The following ANKFY1 variants were observed in gnomAD, a reference collection of about 807,000 sequenced individuals.
The protein encoded by ANKFY1 is ankyrin repeat and FYVE domain containing 1, also known as ankyrin repeat and FYVE domain-containing protein 1.
ANKFY1 carries 47 observed loss-of-function variants against 128.3 expected under a neutral mutation model. That is an observed-to-expected ratio of 0.37 (90% CI 0.29 to 0.47). The LOEUF (loss-of-function observed/expected upper bound fraction) is 0.47. Among genes scored for constraint, ANKFY1 ranks in the 20% least tolerant of loss-of-function variants. The probability of loss-of-function intolerance (pLI) is 1.00; values close to 1 mark genes in which losing one functional copy is unlikely to be tolerated. For synonymous variants in ANKFY1, 553 were observed against 601.6 expected, an observed-to-expected ratio of 0.92 and a Z score of 1.18; for missense variants, 1,222 against 1,510.6, an observed-to-expected ratio of 0.81 and a Z score of 3.17.
intron 7 of ANKFY1, among the ~76,000 whole-genome samples, chr17:4,202,231 A>G (rs1435020252): frequency 6.6e-6 from 1 of 151,388 alleles, no homozygotes; most frequent in African/African-American, 2.4e-5. Context: ...GGCAAACCCA[A>G]TCGCTACAAA....
chr17:4,183,527 AG>A lies in ANKFY1; in HGVS notation c.1822del (p.Leu608CysfsTer41). 6.2e-7 allele frequency: 1 copy of A among 1,612,668 alleles called. No homozygotes were observed. Among genetic ancestry groups the A allele is most frequent in the Non-Finnish European group, 8.5e-7 (1 of 1,180,024 alleles). ...ATTGATGGCGGCTCCAGAGCCCAGC[AG>A]CTGGGCTGCGATCGTGTGCATGCCT... ...WTGMHTIAAQ[L>X]LGSGAAINDT... On this transcript the variant is annotated frameshift_variant, in exon 14 of 25. Coordinates refer to ENST00000341657, the MANE Select transcript of ANKFY1 (RefSeq NM_001330063.2). LOFTEE classifies it high-confidence loss of function.
chr17:4,221,497 C>A (rs2060311377), intron 3 of ANKFY1, among the ~76,000 whole-genome samples: 1 of 152,218 alleles, frequency 6.6e-6, no homozygotes, highest in African/African-American at 2.4e-5. Flanking sequence ...CAGGCATAAA[C>A]CACAGCACCT....
intron 11 of ANKFY1, among the ~76,000 whole-genome samples, chr17:4,185,322 C>T (rs1220711587): frequency 6.6e-6 from 1 of 152,174 alleles, no homozygotes; most frequent in Non-Finnish European, 1.5e-5. Context: ...TCTCCTCCCT[C>T]AGCCTCCTGA....
At position 4,195,487 on chromosome 17, in the gene ANKFY1, G is replaced by A. The variant is rs760812768; in HGVS notation, c.1104-16C>T. The A allele has an allele frequency of 6.2e-7, 1 of 1,612,376 alleles. No homozygotes were observed. Among genetic ancestry groups the A allele is most frequent in the South Asian group, 1.1e-5 (1 of 91,012 alleles). ...TAAAGGAGTCCTGCGGGATCCAAAA[G>A]AAGAGGGGTCAGTTCAGGACAGGCC... On this transcript the variant is annotated splice_polypyrimidine_tract_variant and intron_variant, in intron 8 of 24. Coordinates refer to ENST00000341657, the MANE Select transcript of ANKFY1 (RefSeq NM_001330063.2).
At chr17:4,249,560 T>C (rs879778234) in intron 1 of ANKFY1, among the ~76,000 whole-genome samples, 2 of 152,156 alleles carry the variant, frequency 1.3e-5, no homozygotes, top group Non-Finnish European at 2.9e-5. Context: ...TTTAAAGAAT[T>C]AGAACGTTAA....
chr17:4,170,922 C>A, intron 22 of ANKFY1, 61 bp from the exon 23 acceptor site: 1 of 1,609,672 alleles, frequency 6.2e-7, no homozygotes, highest in South Asian at 1.1e-5. Flanking sequence ...CAGCCACAGA[C>A]GGAGGGCGGA....
intron 4 of ANKFY1, among the ~76,000 whole-genome samples, chr17:4,210,520 C>T (rs2143017526): frequency 6.6e-6 from 1 of 152,120 alleles, no homozygotes; most frequent in South Asian, 2.1e-4. Context: ...ACCAGCCTGA[C>T]CAACATGGAG....
chr17:4,210,731 A>AAAAAAAC (rs2060113795), intron 4 of ANKFY1, among the ~76,000 whole-genome samples: 2 of 150,242 alleles, frequency 1.3e-5, no homozygotes, highest in African/African-American at 2.4e-5. Flanking sequence ...AAAAAAAAAA[A>AAAAAAAC]AGCTCTCCTA....
At chr17:4,245,495 C>T (rs895131411) in intron 1 of ANKFY1, among the ~76,000 whole-genome samples, 3 of 146,986 alleles carry the variant, frequency 2.0e-5, no homozygotes, top group South Asian at 2.1e-4. Context: ...TGTGCCATCA[C>T]ACCTGGCTAT....
chr17:4,231,541 T>C (rs1311440133), intron 3 of ANKFY1, among the ~76,000 whole-genome samples: 2 of 152,166 alleles, frequency 1.3e-5, no homozygotes, highest in African/African-American at 4.8e-5. Flanking sequence ...CAGTGGATCA[T>C]ATCAGGTACA....
chr17:4,207,372 C>T (rs1451800022), intron 6 of ANKFY1, among the ~76,000 whole-genome samples: 1 of 152,178 alleles, frequency 6.6e-6, no homozygotes, highest in Non-Finnish European at 1.5e-5. Flanking sequence ...GTGTGGAGGG[C>T]TCTAGAAGGT....
chr17:4,180,623 C>T (rs1379903680), intron 16 of ANKFY1, among the ~76,000 whole-genome samples: 4 of 151,384 alleles, frequency 2.6e-5, no homozygotes, highest in South Asian at 2.1e-4. Context: ...AAAAATTAGC[C>T]GGGCGTGGAG....
At chr17:4,196,630 C>G (rs981772437) in intron 8 of ANKFY1, among the ~76,000 whole-genome samples, 2 of 152,194 alleles carry the variant, frequency 1.3e-5, no homozygotes, top group Admixed American at 6.5e-5. Flanking sequence ...AGGTAGCAAG[C>G]TGTGCAGATA....
intron 3 of ANKFY1, among the ~76,000 whole-genome samples, chr17:4,220,845 A>G (rs1389318472): frequency 6.6e-6 from 1 of 152,226 alleles, no homozygotes; most frequent in Non-Finnish European, 1.5e-5. Context: ...AGTGGTTGTA[A>G]AAGTCAGATG....
chr17:4,230,558 T>C (rs900738807), intron 3 of ANKFY1, among the ~76,000 whole-genome samples: 9 of 152,238 alleles, frequency 5.9e-5, no homozygotes, highest in Admixed American at 5.9e-4. Context: ...AGATTTGTTA[T>C]GCTTTGCTGA....
chr17:4,219,612 C>T (rs74878697), intron 3 of ANKFY1, among the ~76,000 whole-genome samples: 2,877 of 152,088 alleles, frequency 0.019, 44 homozygotes, highest in African/African-American at 0.04. Context: ...TGGGAAGGAG[C>T]AGCTTGAAGG....
rs1265671105 is a variant in ANKFY1, at chr17:4,169,801, G to T, written c.3287-513C>A. Among the ~76,000 whole-genome samples the T allele has an allele frequency of 6.6e-6, 1 of 152,176 alleles. No individual in the cohort carries two copies. The highest frequency in any genetic ancestry group is 1.5e-5 in the Non-Finnish European group (1 of 68,032). On this transcript the variant is annotated intron_variant, in intron 23 of 24. Coordinates refer to ENST00000341657, the MANE Select transcript of ANKFY1 (RefSeq NM_001330063.2). The surrounding 1 kb of genome is among the most constrained non-coding windows in gnomAD (Gnocchi z 5.0). The stretch of plus-strand genomic sequence containing the variant: ...CATGGGCAGAGCAACCTATGAGAAA[G>T]AACTAAGTTTTCACATCTAGTTTGG...
At chr17:4,185,402 ACC>A (rs1399446235) in intron 11 of ANKFY1, among the ~76,000 whole-genome samples, 1 of 151,860 alleles carries the variant, frequency 6.6e-6, no homozygotes. Context: ...GACAGGTTTC[ACC>A]ATGTTAGCCA....
chr17:4,170,978 A>G, intron 22 of ANKFY1, 117 bp from the exon 23 acceptor site: 2 of 1,458,076 alleles, frequency 1.4e-6, no homozygotes, highest in Non-Finnish European at 1.9e-6. Flanking sequence ...ATCTGTTCAC[A>G]AAGTCCCCAC....
Sources: allele counts gnomAD v4.1 joint callset (sites outside exome capture counted in the v4.1 genomes callset), GRCh38; gene constraint gnomAD v4.1.1; non-coding constraint Gnocchi (gnomAD v3.1); transcripts MANE v1.5; gene names NCBI Gene and HGNC (gene_info 2026-07-23, HGNC 2026-07-21).